The following TRPM3 variants were observed in gnomAD, a reference collection of about 807,000 sequenced individuals.
TRPM3 encodes transient receptor potential cation channel subfamily M member 3, also known as long transient receptor potential channel 3.
In TRPM3, 77 loss-of-function variants were observed where a neutral mutation model predicts 181.2. That is an observed-to-expected ratio of 0.42 (90% CI 0.35 to 0.51). TRPM3 has a LOEUF of 0.51. Among genes scored for constraint, TRPM3 ranks in the 20% least tolerant of loss-of-function variants. The pLI is 0.01. For missense variants in TRPM3, 1,759 were observed against 2,196.7 expected, an observed-to-expected ratio of 0.80 and a Z score of 3.98; for synonymous variants, 745 against 796.4, an observed-to-expected ratio of 0.94 and a Z score of 1.09.
intron 1 of TRPM3, among the ~76,000 whole-genome samples, chr9:70,901,474 G>A (rs982258192): frequency 6.6e-6 from 1 of 151,968 alleles, no homozygotes; most frequent in Non-Finnish European, 1.5e-5. Context: ...TAGGTTAAAT[G>A]TAACTTTGGT....
At chr9:70,539,114 C>T (rs1419216286) in intron 25 of TRPM3, among the ~76,000 whole-genome samples, 3 of 152,184 alleles carry the variant, frequency 2.0e-5, no homozygotes, top group African/African-American at 4.8e-5. Flanking sequence ...GCACTTGCTG[C>T]AGGAAGACCA....
intron 9 of TRPM3, among the ~76,000 whole-genome samples, chr9:70,651,518 C>A (rs2059593003): frequency 6.6e-6 from 1 of 152,170 alleles, no homozygotes; most frequent in Admixed American, 6.5e-5. Flanking sequence ...GGACTACTGC[C>A]ACCAACCAAC....
intron 1 of TRPM3, among the ~76,000 whole-genome samples, chr9:71,426,002 GAGA>G (rs2093856346): frequency 6.6e-6 from 1 of 151,772 alleles, no homozygotes; most frequent in Non-Finnish European, 1.5e-5. Flanking sequence ...AACCTCTTCA[GAGA>G]AGATTTCCCT....
Position 71,069,792 on chromosome 9 carries a change from G to A in TRPM3, c.177+51386C>T, listed in dbSNP as rs899522998. 5.9e-5 allele frequency among the ~76,000 whole-genome samples: 9 copies of A among 151,768 alleles called. No individual in the cohort carries two copies. The East Asian group carries it at 1.8e-3, about 30-fold the overall frequency. Reference sequence around the variant, plus strand: ...CCTAGCTAATTTTGTATTTTTAATAGAGATGGGTTTTTGCCATGTTAATCA... The same window carrying A: ...CCTAGCTAATTTTGTATTTTTAATAAAGATGGGTTTTTGCCATGTTAATCA... On this transcript the variant is annotated intron_variant, in intron 1 of 25. Transcript: ENST00000677713.
intron 1 of TRPM3, among the ~76,000 whole-genome samples, chr9:71,019,274 ATAAAAT>A (rs1007776492): frequency 6.6e-6 from 1 of 151,966 alleles, no homozygotes; most frequent in African/African-American, 2.4e-5. Context: ...CAATAAAATA[ATAAAAT>A]TAAAAGAATA....
chr9:70,901,200 A>G (rs1215372103), intron 1 of TRPM3, among the ~76,000 whole-genome samples: 2 of 152,238 alleles, frequency 1.3e-5, no homozygotes, highest in East Asian at 3.8e-4. Context: ...CACAGTTGTT[A>G]TTGGGTGTGG....
chr9:70,776,662 A>T (rs1270669576), intron 7 of TRPM3, among the ~76,000 whole-genome samples: 1 of 152,168 alleles, frequency 6.6e-6, no homozygotes, highest in Non-Finnish European at 1.5e-5. Flanking sequence ...AGACGTTTGG[A>T]ACAAAGTACA....
chr9:70,998,707 C>T (rs1365252106), intron 1 of TRPM3, among the ~76,000 whole-genome samples: 1 of 152,186 alleles, frequency 6.6e-6, no homozygotes, highest in African/African-American at 2.4e-5. Flanking sequence ...TTTCCCTCTC[C>T]TTCCTGCTGT....
chr9:70,635,040 C>T (rs1242728543), intron 12 of TRPM3, among the ~76,000 whole-genome samples, 171 bp downstream of exon 12: 2 of 145,658 alleles, frequency 1.4e-5, no homozygotes, highest in East Asian at 4.2e-4. Context: ...TGAACAGAAG[C>T]ATCAGAGTTA....
At chr9:70,873,140 A>T (rs2095817180) in intron 1 of TRPM3, among the ~76,000 whole-genome samples, 1 of 152,022 alleles carries the variant, frequency 6.6e-6, no homozygotes, top group Admixed American at 6.6e-5. Flanking sequence ...ATGATGTCAC[A>T]AAAGTGACCC....
chr9:71,323,645 T>C (rs1267501354), intron 1 of TRPM3, among the ~76,000 whole-genome samples: 1 of 152,104 alleles, frequency 6.6e-6, no homozygotes, highest in African/African-American at 2.4e-5. Context: ...TTGGCGGATG[T>C]CGGCTTTGGA....
At chr9:71,346,744 A>G (rs776805133) in intron 1 of TRPM3, among the ~76,000 whole-genome samples, 16 of 152,240 alleles carry the variant, frequency 1.1e-4, no homozygotes, top group Admixed American at 6.5e-5. Flanking sequence ...GAAACAGAAA[A>G]GCAAAGAGAG....
At chr9:71,436,335 C>T (rs11142829) in intron 1 of TRPM3, among the ~76,000 whole-genome samples, 5,870 of 112,904 alleles carry the variant, frequency 0.052, 193 homozygotes, top group East Asian at 0.21. Flanking sequence ...TGGCATCTTG[C>T]TTTGTCACAC....
At chr9:71,414,190 A>G (rs1057061965) in intron 1 of TRPM3, among the ~76,000 whole-genome samples, 2 of 152,132 alleles carry the variant, frequency 1.3e-5, no homozygotes, top group African/African-American at 4.8e-5. Context: ...AAAAGATACT[A>G]TTAAGATGAA....
At chr9:71,402,979 A>G (rs1043690811) in intron 1 of TRPM3, among the ~76,000 whole-genome samples, 4 of 152,208 alleles carry the variant, frequency 2.6e-5, no homozygotes, top group Non-Finnish European at 5.9e-5. Context: ...AAGACAAGAT[A>G]CAATCCTTGT....
intron 1 of TRPM3, among the ~76,000 whole-genome samples, chr9:71,100,074 A>T (rs1054076947): frequency 1.1e-4 from 17 of 152,202 alleles, no homozygotes; most frequent in Admixed American, 1.1e-3. Flanking sequence ...TATTGGTCAC[A>T]TCTCAAGGGA....
intron 1 of TRPM3, among the ~76,000 whole-genome samples, chr9:71,306,303 A>G (rs532274579): frequency 3.4e-4 from 52 of 152,172 alleles, no homozygotes; most frequent in Non-Finnish European, 6.6e-4. Context: ...CACGCAGCAA[A>G]TGACTTGAAC....
chr9:70,648,129 G>A (rs1315659987), intron 9 of TRPM3, among the ~76,000 whole-genome samples: 1 of 152,114 alleles, frequency 6.6e-6, no homozygotes, highest in African/African-American at 2.4e-5. Context: ...TCAAAGCAAC[G>A]TGCAGATTCA....
chr9:71,336,246 C>A (rs1181651229), intron 1 of TRPM3, among the ~76,000 whole-genome samples: 1 of 150,652 alleles, frequency 6.6e-6, no homozygotes, highest in Non-Finnish European at 1.5e-5. Flanking sequence ...AGCTGATAAG[C>A]AACTTCAGCA....
Sources: gnomAD v4.1 joint callset for allele counts (sites outside exome capture counted in the v4.1 genomes callset) on GRCh38, gnomAD v4.1.1 for gene constraint, MANE v1.5 for transcripts, NCBI Gene and HGNC (gene_info 2026-07-23, HGNC 2026-07-21) for gene names.